NPLOC4: variants seen among roughly 807,000 people sequenced by gnomAD.
NPLOC4 encodes the protein nuclear protein localization protein 4 homolog.
Under a neutral mutation model 80.6 loss-of-function variants are expected in NPLOC4, and 18 were observed. The ratio of observed to expected loss-of-function variants is 0.22; its 90% CI spans 0.15 to 0.33. The LOEUF is 0.33. Ranked by LOEUF, NPLOC4 falls within the 10% of genes least tolerant of loss-of-function variation. NPLOC4 has a pLI of 1.00. For missense variants in NPLOC4, 540 were observed against 786.1 expected (o/e 0.69, Z 3.74); for synonymous variants, 313 against 301.5 (o/e 1.04, Z -0.39).
chr17:81,632,610 G>A (rs1022785600), intron 1 of NPLOC4, among the ~76,000 whole-genome samples: 8 of 152,146 alleles, frequency 5.3e-5, no homozygotes, highest in Non-Finnish European at 7.4e-5. Flanking sequence ...CACCACACCC[G>A]GCCTCCCTTA....
rs1452549005 is a variant in NPLOC4 at position 81,558,594 on chromosome 17, TAAATA to T, written c.*660_*664del. 1 of 152,002 alleles carries T rather than the reference TAAATA, an allele frequency of 6.6e-6. No individual in the cohort carries two copies. The highest frequency in any genetic ancestry group is 1.5e-5 in the Non-Finnish European group (1 of 67,994). The allele number at this position is 152,002 out of a possible 1,614,324, so 9.4% of individuals were successfully genotyped here. On this transcript the variant is annotated 3_prime_UTR_variant, in exon 17 of 17. Coordinates refer to ENST00000331134, the MANE Select transcript of NPLOC4 (RefSeq NM_017921.4). The stretch of plus-strand genomic sequence containing the variant: ...GTGCAGTTTTTATCTTAAAAAAAAA[TAAATA>T]AAAGTCTTCTGGGCAGGAATTACTG...
intron 2 of NPLOC4, among the ~76,000 whole-genome samples, chr17:81,628,472 C>T (rs1008009790): frequency 6.6e-6 from 1 of 151,932 alleles, no homozygotes; most frequent in Non-Finnish European, 1.5e-5. Flanking sequence ...GAGATCATGC[C>T]ACTGCACTCC....
chr17:81,577,541 C>T lies in NPLOC4; in HGVS notation c.1282-5453G>A, dbSNP rs191702991. 2.2e-4 allele frequency among the ~76,000 whole-genome samples: 34 copies of T among 152,270 alleles called. No homozygotes were observed. Among genetic ancestry groups the T allele is most frequent in the African/African-American group, 7.7e-4 (32 of 41,556 alleles). On this transcript the variant is annotated intron_variant, in intron 12 of 16. Coordinates refer to ENST00000331134, the MANE Select transcript of NPLOC4 (RefSeq NM_017921.4). The surrounding 1 kb of genome is among the most constrained non-coding windows in gnomAD (Gnocchi z 4.3). Reference sequence around the variant, plus strand: ...ACTCTTCTCTTCTCCCTCTGAACCACGGCTTGGCTCATCTACTTCTGGGTT... The same window carrying T: ...ACTCTTCTCTTCTCCCTCTGAACCATGGCTTGGCTCATCTACTTCTGGGTT...
intron 3 of NPLOC4, among the ~76,000 whole-genome samples, chr17:81,614,547 C>T (rs7213129): frequency 0.54 from 82,675 of 151,774 alleles, 23,643 homozygotes; most frequent in East Asian, 0.77. Context: ...AAAGGGCAAA[C>T]TCCCAGGAGT....
rs370380865 is a variant in NPLOC4, at chr17:81,608,736, C to T, written c.522G>A (p.Gly174=). 184 of 1,584,788 alleles carry T rather than the reference C, an allele frequency of 1.2e-4. No individual in the cohort carries two copies. Among genetic ancestry groups the T allele is most frequent in the Middle Eastern group, 9.9e-4 (6 of 6,032 alleles). Residue 174 remains glycine (G), a synonymous_variant, in exon 6 of 17, where the codon GGG becomes GGA. Transcript: ENST00000331134. ...FHAYIRKLTG[G]ADKGKFVALE... is the part of the protein sequence containing the mutation. ...TACAGCAAGTTGCTTACTTGTCAGC[C>T]CCTCCAGTCAGCTTCCGGATGTAGG...
intron 3 of NPLOC4, among the ~76,000 whole-genome samples, chr17:81,617,193 G>C (rs2144272053): frequency 6.6e-6 from 1 of 152,296 alleles, no homozygotes. Flanking sequence ...GCAGAAACTA[G>C]GAGAAACCAG....
chr17:81,604,328 G>A (rs191371749), intron 8 of NPLOC4, among the ~76,000 whole-genome samples: 1 of 152,138 alleles, frequency 6.6e-6, no homozygotes, highest in African/African-American at 2.4e-5. Flanking sequence ...CAAATGTACC[G>A]GTTGTGTAAG....
rs114553858 is a variant in NPLOC4 at position 81,633,760 on chromosome 17, G to A, written c.15+3156C>T. ...GCTCTGTCACCCAGAGTGGGAGTGCGATGGCGCGACCTCGGTTCACTGCAA... is the reference window on the plus strand; with the variant it reads ...GCTCTGTCACCCAGAGTGGGAGTGCAATGGCGCGACCTCGGTTCACTGCAA... On this transcript the variant is annotated intron_variant, in intron 1 of 16. Transcript: ENST00000331134. 7.6e-3 allele frequency among the ~76,000 whole-genome samples: 1,164 copies of A among 152,236 alleles called. 8 individuals carry two copies. The highest frequency in any genetic ancestry group is 0.027 in the African/African-American group (1,110 of 41,524).
intron 11 of NPLOC4, among the ~76,000 whole-genome samples, chr17:81,595,524 A>G (rs2034882795): frequency 2.1e-5 from 2 of 93,858 alleles, no homozygotes; most frequent in Non-Finnish European, 5.1e-5. Flanking sequence ...ACATATACAT[A>G]TATATATATA....
intron 2 of NPLOC4, among the ~76,000 whole-genome samples, chr17:81,628,511 T>C (rs1388393114): frequency 6.6e-6 from 1 of 151,396 alleles, no homozygotes; most frequent in Non-Finnish European, 1.5e-5. Flanking sequence ...AGATGCCATC[T>C]CAAAAAAAAA....
At chr17:81,569,306 T>G (rs1196997232) in intron 13 of NPLOC4, among the ~76,000 whole-genome samples, 195 bp from the exon 14 acceptor site, 1 of 152,226 alleles carries the variant, frequency 6.6e-6, no homozygotes, top group East Asian at 1.9e-4. Context: ...AACTCCGCCA[T>G]CCTGGAGACA....
chr17:81,630,882 A>G (rs1436442370), intron 1 of NPLOC4, among the ~76,000 whole-genome samples: 1 of 151,474 alleles, frequency 6.6e-6, no homozygotes, highest in Non-Finnish European at 1.5e-5. Context: ...GTCTCAAAAA[A>G]AGAGATTAGG....
At chr17:81,565,665 G>A in intron 15 of NPLOC4, 58 bp from the exon 16 acceptor site, 1 of 1,295,800 alleles carries the variant, frequency 7.7e-7, no homozygotes, top group Non-Finnish European at 1.1e-6. Flanking sequence ...GCAGCTTCCT[G>A]CTAGAACAGG....
intron 11 of NPLOC4, among the ~76,000 whole-genome samples, chr17:81,590,610 A>G (rs2034712742): frequency 6.6e-6 from 1 of 152,142 alleles, no homozygotes; most frequent in South Asian, 2.1e-4. Context: ...CTTCCCAAAG[A>G]GCTGGAATTA....
chr17:81,602,290 T>C (rs1198067668), intron 8 of NPLOC4, among the ~76,000 whole-genome samples: 1 of 152,028 alleles, frequency 6.6e-6, no homozygotes, highest in East Asian at 1.9e-4. Context: ...CTTATGCTGG[T>C]AATTCTAGTA....
At chr17:81,622,793 C>T (rs1272011392) in intron 2 of NPLOC4, among the ~76,000 whole-genome samples, 3 of 152,086 alleles carry the variant, frequency 2.0e-5, no homozygotes, top group African/African-American at 4.8e-5. Context: ...TCAGGTGATC[C>T]GCCCACCTTG....
intron 3 of NPLOC4, among the ~76,000 whole-genome samples, chr17:81,616,611 T>C (rs1034575791): frequency 1.3e-5 from 2 of 151,400 alleles, no homozygotes; most frequent in African/African-American, 4.9e-5. Context: ...GTGCCTGTAG[T>C]CCCAGCTACT....
intron 12 of NPLOC4, 121 bp downstream of exon 12, chr17:81,588,823 C>T: frequency 1.3e-6 from 1 of 799,516 alleles, no homozygotes; most frequent in South Asian, 1.8e-5. Flanking sequence ...TAGTGACAAG[C>T]AGGGTTCAAC....
chr17:81,623,527 G>A (rs1031798105), intron 2 of NPLOC4, among the ~76,000 whole-genome samples: 10 of 151,024 alleles, frequency 6.6e-5, no homozygotes, highest in Middle Eastern at 3.2e-3. Flanking sequence ...GGCCGGGCGC[G>A]GTGGCTGACG....
Sources: allele counts gnomAD v4.1 joint callset (sites outside exome capture counted in the v4.1 genomes callset), GRCh38; gene constraint gnomAD v4.1.1; non-coding constraint Gnocchi (gnomAD v3.1); transcripts MANE v1.5; gene names NCBI Gene and HGNC (gene_info 2026-07-23, HGNC 2026-07-21).